Variants in MORC2 observed in about 807,000 individuals in gnomAD.
The protein encoded by MORC2 is MORC family CW-type zinc finger 2.
MORC2 carries 30 observed loss-of-function variants against 136.0 expected under a neutral mutation model. That is an observed-to-expected ratio of 0.22 (90% CI 0.17 to 0.30). The LOEUF (loss-of-function observed/expected upper bound fraction) is 0.30. Ranked by LOEUF, MORC2 falls within the 10% of genes least tolerant of loss-of-function variation. The probability of loss-of-function intolerance (pLI) is 1.00; values close to 1 mark genes in which losing one functional copy is unlikely to be tolerated. For synonymous variants in MORC2, 439 were observed against 487.0 expected (o/e 0.90, Z 1.30); for missense variants, 922 against 1,333.1 (o/e 0.69, Z 4.80).
Position 30,934,761 on chromosome 22 carries a change from A to C in MORC2, c.2193+20T>G. The C allele has an allele frequency of 6.2e-7, 1 of 1,612,146 alleles. No homozygotes were observed. Among genetic ancestry groups the C allele is most frequent in the South Asian group, 1.1e-5 (1 of 90,932 alleles). On this transcript the variant is annotated intron_variant, in intron 19 of 25. Transcript: ENST00000397641. The surrounding 1 kb of genome is among the most constrained non-coding windows in gnomAD (Gnocchi z 4.4). ...ACTACTGACACTGGGCTGGGGTATT[A>C]AAGAGGACAAGCGTCTCACCGGGGA...
chr22:30,938,201 G>A lies in MORC2; in HGVS notation c.1078C>T (p.Leu360Phe), dbSNP rs1268129848. 6.8e-6 allele frequency: 11 copies of A among 1,612,336 alleles called. No individual in the cohort carries two copies. Among genetic ancestry groups the A allele is most frequent in the African/African-American group, 5.4e-5 (4 of 74,710 alleles). The change falls in exon 13 of 26, where the codon CTT becomes TTT. Residue 360 changes from leucine to phenylalanine, a missense_variant. Coordinates refer to ENST00000397641, the MANE Select transcript of MORC2 (RefSeq NM_001303256.3). The part of the protein sequence containing the change: ...KRIKEAKQRA[L>F]KEPKELNFVF... ...AAATTCAGTTCCTTAGGTTCTTTAA[G>A]TGCTCTAAGAAGACAAAAAAACTCA...
chr22:30,949,811 C>T lies in MORC2; in HGVS notation c.258G>A (p.Lys86=). Residue 86 remains lysine, a synonymous_variant, in exon 5 of 26, where the codon AAG becomes AAA. Coordinates refer to ENST00000397641, the MANE Select transcript of MORC2 (RefSeq NM_001303256.3). ...TAGACTCAGGTGTTCGCTTGGCCGACTTCCCAAACTGGATCACACTGGCAG... is the reference window on the plus strand; with the variant it reads ...TAGACTCAGGTGTTCGCTTGGCCGATTTCCCAAACTGGATCACACTGGCAG... ...SDAASVIQFG[K]SAKRTPESTQ... 1.9e-6 allele frequency: 3 copies of T among 1,614,154 alleles called. No individual in the cohort carries two copies. The highest frequency in any genetic ancestry group is 2.5e-6 in the Non-Finnish European group (3 of 1,180,016).
chr22:30,932,818 T>C lies in MORC2; in HGVS notation c.2523-49A>G, dbSNP rs765643613. Reference sequence around the variant, plus strand: ...TCATGTCTGACCCGGGCTCCCAGGATGGGCTGCTGGCAGGGAGGCCGGGGA... The same window carrying C: ...TCATGTCTGACCCGGGCTCCCAGGACGGGCTGCTGGCAGGGAGGCCGGGGA... On this transcript the variant is annotated intron_variant, in intron 22 of 25. Coordinates refer to ENST00000397641, the MANE Select transcript of MORC2 (RefSeq NM_001303256.3). The surrounding 1 kb of genome is among the most constrained non-coding windows in gnomAD (Gnocchi z 4.4). 1.2e-6 allele frequency: 2 copies of C among 1,613,030 alleles called. No homozygotes were observed. The highest frequency in any genetic ancestry group is 1.7e-5 in the Admixed American group (1 of 59,968).
chr22:30,966,240 T>C (rs1404486133), intron 1 of MORC2, among the ~76,000 whole-genome samples: 1 of 152,236 alleles, frequency 6.6e-6, no homozygotes, highest in Non-Finnish European at 1.5e-5. Context: ...AAATCTGTAA[T>C]TCCAGACTTA....
At chr22:30,963,385 T>C (rs1012097054) in intron 1 of MORC2, 29 of 833,854 alleles carry the variant, frequency 3.5e-5, no homozygotes, top group Non-Finnish European at 3.8e-5. Context: ...CAACTGATTA[T>C]GGCTTTTTTT....
chr22:30,966,725 C>T (rs1281263881), intron 1 of MORC2, among the ~76,000 whole-genome samples: 1 of 152,080 alleles, frequency 6.6e-6, no homozygotes, highest in African/African-American at 2.4e-5. Context: ...TTGCAGTGAG[C>T]CAAGATTGCG....
At chr22:30,960,029 A>G (rs1215535888) in intron 1 of MORC2, among the ~76,000 whole-genome samples, 1 of 151,918 alleles carries the variant, frequency 6.6e-6, no homozygotes, top group Non-Finnish European at 1.5e-5. Context: ...GTGCGATGGC[A>G]CAATCTTGGC....
intron 24 of MORC2, among the ~76,000 whole-genome samples, chr22:30,929,113 T>C (rs1330384894): frequency 6.6e-6 from 1 of 152,248 alleles, no homozygotes; most frequent in Non-Finnish European, 1.5e-5. Context: ...TCATTCACCT[T>C]ATCCTACTAA....
At chr22:30,940,923 G>A in intron 9 of MORC2, 86 bp from the exon 10 acceptor site, 1 of 1,122,032 alleles carries the variant, frequency 8.9e-7, no homozygotes. Context: ...CTGCCTTCCT[G>A]CCTCCTCCCA....
Position 30,934,457 on chromosome 22 carries a change from G to T in MORC2, c.2194-266C>A, listed in dbSNP as rs917634551. Among the ~76,000 whole-genome samples, 18 of 152,036 alleles carry T rather than the reference G, an allele frequency of 1.2e-4. No homozygotes were observed. Among genetic ancestry groups the T allele is most frequent in the Non-Finnish European group, 2.5e-4 (17 of 68,010 alleles). ...AGCTGTCACCTCCCCAAGAACCACC[G>T]ACCACTGCCGCAGCCCACTCAGGCT... On this transcript the variant is annotated intron_variant, in intron 19 of 25. Coordinates refer to ENST00000397641, the MANE Select transcript of MORC2 (RefSeq NM_001303256.3). This position sits in a 1 kb window ranked among gnomAD's most constrained non-coding sequence, Gnocchi z 4.4.
At chr22:30,942,371 T>C (rs1467144607) in intron 6 of MORC2, 100 bp from the exon 7 acceptor site, 1 of 1,355,166 alleles carries the variant, frequency 7.4e-7, no homozygotes, top group Non-Finnish European at 1.0e-6. Flanking sequence ...AGCTCCACAC[T>C]GCCCTGTAGG....
chr22:30,939,766 G>T, intron 11 of MORC2, 60 bp from the exon 12 acceptor site: 1 of 1,514,494 alleles, frequency 6.6e-7, no homozygotes, highest in Non-Finnish European at 9.1e-7. Context: ...AGGGAATATT[G>T]AAACATTACA....
At position 30,957,368 on chromosome 22, in the gene MORC2, T is replaced by G. The variant is rs117314603; in HGVS notation, c.123-571A>C. ...CCCTGCCCCATTAGACTCCAACCAT[T>G]GGCTGAAATCATACAGATTCAGTTA... On this transcript the variant is annotated intron_variant, in intron 2 of 25. Coordinates refer to ENST00000397641, the MANE Select transcript of MORC2 (RefSeq NM_001303256.3). Among the ~76,000 whole-genome samples, 954 of 152,294 alleles carry G rather than the reference T, an allele frequency of 6.3e-3. 3 individuals are homozygous for G. Among genetic ancestry groups the G allele is most frequent in the Non-Finnish European group, 0.011 (740 of 68,026 alleles).
chr22:30,940,987 A>G, intron 9 of MORC2, 150 bp from the exon 10 acceptor site: 1 of 725,112 alleles, frequency 1.4e-6, no homozygotes, highest in South Asian at 1.6e-5. Context: ...CAATTCAGCA[A>G]AAAGGTGCAG....
At chr22:30,949,489 G>C (rs2040860384) in intron 5 of MORC2, among the ~76,000 whole-genome samples, 1 of 152,174 alleles carries the variant, frequency 6.6e-6, no homozygotes, top group East Asian at 1.9e-4. Context: ...AACAGGAGAG[G>C]TGCAGTTCTA....
rs2041167038 is a variant in MORC2, at chr22:30,968,679, T to TC, written c.-791dup. 6.6e-6 allele frequency among the ~76,000 whole-genome samples: 1 copy of TC among 151,438 alleles called. No homozygotes were observed. Among genetic ancestry groups the TC allele is most frequent in the African/African-American group, 2.4e-5 (1 of 41,144 alleles). On this transcript the variant is annotated 5_prime_UTR_variant, in exon 1 of 26. Transcript: ENST00000397641. ...CCCGGGCCTCGGTCCCGTGGCCGCCTCCCCACGAAGAGGAGCTACTCCCGG... is the reference window on the plus strand; with the variant it reads ...CCCGGGCCTCGGTCCCGTGGCCGCCTCCCCCACGAAGAGGAGCTACTCCCGG...
chr22:30,960,159 G>A (rs540906569), intron 1 of MORC2, among the ~76,000 whole-genome samples: 1 of 152,194 alleles, frequency 6.6e-6, no homozygotes, highest in East Asian at 1.9e-4. Context: ...TAGAGAGGAG[G>A]TTTCACCATG....
intron 1 of MORC2, 98 bp from the exon 2 acceptor site, chr22:30,958,792 A>C: frequency 8.7e-7 from 1 of 1,143,548 alleles, no homozygotes; most frequent in South Asian, 1.4e-5. Context: ...TTTTGAAAAA[A>C]ATCTTAAAAC....
intron 5 of MORC2, among the ~76,000 whole-genome samples, chr22:30,947,599 G>A (rs926728318): frequency 1.3e-5 from 2 of 152,040 alleles, no homozygotes; most frequent in Admixed American, 1.3e-4. Flanking sequence ...AAACTCCCAG[G>A]ACACTATTCA....
Sources: allele counts gnomAD v4.1 joint callset (sites outside exome capture counted in the v4.1 genomes callset), GRCh38; gene constraint gnomAD v4.1.1; non-coding constraint Gnocchi (gnomAD v3.1); transcripts MANE v1.5; gene names NCBI Gene and HGNC (gene_info 2026-07-23, HGNC 2026-07-21).